ZNF503: variants seen among roughly 807,000 people sequenced by gnomAD.
ZNF503 encodes the protein zinc finger protein 503.
ZNF503 carries 15 observed loss-of-function variants against 34.4 expected under a neutral mutation model. That is an observed-to-expected ratio of 0.44 (90% CI 0.29 to 0.67). The LOEUF (loss-of-function observed/expected upper bound fraction) is 0.67, where lower values mean the gene tolerates loss of function less well. Among genes scored for constraint, ZNF503 ranks in the 30% least tolerant of loss-of-function variants. ZNF503 has a pLI of 0.13. For missense variants in ZNF503, 1,007 were observed against 926.8 expected (o/e 1.09, Z -1.12); for synonymous variants, 580 against 456.8 (o/e 1.27, Z -3.44).
At position 75,399,493 on chromosome 10, in the gene ZNF503, G is replaced by A. The variant is rs778676896; in HGVS notation, c.1197C>T (p.Ala399=). The A allele has an allele frequency of 6.4e-7, 1 of 1,567,702 alleles. No homozygotes were observed. The highest frequency in any genetic ancestry group is 1.1e-5 in the South Asian group (1 of 88,112). Residue 399 remains alanine, a synonymous_variant, in exon 2 of 2, where the codon GCC becomes GCT. Transcript: ENST00000372524. Reference sequence around the variant, plus strand: ...CCGGCTTACTGCAGCCCAGAGACCCGGCCGCGGCCGCCGCCAGCTGCGCCC... The same window carrying A: ...CCGGCTTACTGCAGCCCAGAGACCCAGCCGCGGCCGCCGCCAGCTGCGCCC... ...LVGAQLAAAA[A]GSLGCSKPAG... is the part of the protein sequence containing the mutation.
At chr10:75,368,848 C>T in the ZNF503 span, among the ~76,000 whole-genome samples, 1 of 152,216 alleles carries the variant, frequency 6.6e-6, no homozygotes, top group Non-Finnish European at 1.5e-5. Flanking sequence ...CCAACCTGAC[C>T]TCCAAATTAT....
At position 75,398,931 on chromosome 10, in the gene ZNF503, G is replaced by C; in HGVS notation, c.1759C>G (p.Leu587Val). 6.3e-7 allele frequency: 1 copy of C among 1,588,934 alleles called. No homozygotes were observed. Among genetic ancestry groups the C allele is most frequent in the South Asian group, 1.1e-5 (1 of 88,590 alleles). Reference protein sequence around the residue: ...TSGAPGSPGTLALRSPHHALG... With the variant: ...TSGAPGSPGTVALRSPHHALG... The stretch of plus-strand genomic sequence containing the variant: ...GCGTGGTGGGGGCTGCGCAGCGCCA[G>C]CGTCCCAGGGCTGCCCGGTGCGCCC... Residue 587 changes from leucine to valine, a missense_variant, in exon 2 of 2, where the codon CTG becomes GTG. Physicochemically the swap from Leu to Val is conservative, Grantham distance 32 (BLOSUM62 1). Transcript: ENST00000372524.
chr10:75,293,791 T>C, the ZNF503 span, among the ~76,000 whole-genome samples: 1 of 151,672 alleles, frequency 6.6e-6, no homozygotes, highest in African/African-American at 2.4e-5. Context: ...GAGGGAAAAA[T>C]AACCCTTTGC....
chr10:75,401,848 GT>G, upstream of ZNF503: 1 of 203,748 alleles, frequency 4.9e-6, no homozygotes, highest in South Asian at 8.0e-5. Context: ...GGAGCCCGAG[GT>G]GATTGGAGGG....
At chr10:75,317,028 A>G in the ZNF503 span, among the ~76,000 whole-genome samples, 1 of 152,108 alleles carries the variant, frequency 6.6e-6, no homozygotes, top group African/African-American at 2.4e-5. Flanking sequence ...TGCAGCCTCA[A>G]ACTCCAGGGT....
chr10:75,294,443 TTCC>T, the ZNF503 span, among the ~76,000 whole-genome samples: 1 of 152,210 alleles, frequency 6.6e-6, no homozygotes, highest in Non-Finnish European at 1.5e-5. Context: ...TCGATCCTAG[TTCC>T]ACATGAGGTT....
At chr10:75,367,107 T>C in the ZNF503 span, among the ~76,000 whole-genome samples, 1 of 152,184 alleles carries the variant, frequency 6.6e-6, no homozygotes, top group East Asian at 1.9e-4. Flanking sequence ...CGTGTGAAGG[T>C]CATGATAAGT....
chr10:75,389,124 G>A, the ZNF503 span, among the ~76,000 whole-genome samples: 1 of 152,220 alleles, frequency 6.6e-6, no homozygotes, highest in Non-Finnish European at 1.5e-5. Context: ...GAGGAGAGGA[G>A]ATGTTTGTAA....
chr10:75,338,952 G>A, the ZNF503 span, among the ~76,000 whole-genome samples: 1 of 152,156 alleles, frequency 6.6e-6, no homozygotes, highest in Admixed American at 6.5e-5. Context: ...TGAAGGCCGG[G>A]CACGGTGGCT....
chr10:75,363,339 A>G, the ZNF503 span, among the ~76,000 whole-genome samples: 1 of 151,648 alleles, frequency 6.6e-6, no homozygotes, highest in South Asian at 2.1e-4. Context: ...GCCTTGGAGA[A>G]TGTCCTCTTG....
downstream of ZNF503, among the ~76,000 whole-genome samples, chr10:75,396,012 C>T (rs1369589640): frequency 6.6e-6 from 1 of 152,250 alleles, no homozygotes; most frequent in African/African-American, 2.4e-5. This position sits in a 1 kb window ranked among gnomAD's most constrained non-coding sequence, Gnocchi z 4.4. Flanking sequence ...GCCTGTGGGT[C>T]GCAGTGGCCA....
the ZNF503 span, among the ~76,000 whole-genome samples, chr10:75,392,116 T>C: frequency 1.3e-5 from 2 of 152,240 alleles, no homozygotes; most frequent in Non-Finnish European, 2.9e-5. Context: ...AGTGTTACTT[T>C]ATTCGGCTTC....
the ZNF503 span, among the ~76,000 whole-genome samples, chr10:75,378,385 C>G: frequency 1.3e-5 from 2 of 152,174 alleles, no homozygotes; most frequent in Non-Finnish European, 2.9e-5. Context: ...CCCCACCAAG[C>G]ACCACAGCCC....
In ZNF503 at chr10:75,399,377, G is replaced by A. The variant is rs1843749160; in HGVS notation, c.1313C>T (p.Ala438Val). The change falls in exon 2 of 2, where the codon GCT (alanine) becomes GTT (valine). Residue 438 changes from alanine to valine, a missense_variant. Coordinates refer to ENST00000372524, the MANE Select transcript of ZNF503 (RefSeq NM_032772.6). ...GGCCGCCGCCCCTGCCAGGTGGCTA[G>A]CGCAGTGGTAGCTGAGGCAGTAAGG... Reference protein sequence around the residue: ...RDPYCLSYHCASHLAGAAAAS... With the variant: ...RDPYCLSYHCVSHLAGAAAAS... 6.2e-7 allele frequency: 1 copy of A among 1,606,578 alleles called. No homozygotes were observed. Among genetic ancestry groups the A allele is most frequent in the Admixed American group, 1.7e-5 (1 of 59,800 alleles).
the ZNF503 span, among the ~76,000 whole-genome samples, chr10:75,362,439 C>T: frequency 1.3e-5 from 2 of 152,088 alleles, no homozygotes; most frequent in Admixed American, 1.3e-4. Context: ...CCGTGACTGC[C>T]ACCCTTGCTC....
At chr10:75,290,725 A>C in the ZNF503 span, among the ~76,000 whole-genome samples, 1 of 152,222 alleles carries the variant, frequency 6.6e-6, no homozygotes, top group Non-Finnish European at 1.5e-5. Flanking sequence ...TAGGAAGATG[A>C]GAGGAGTTGT....
chr10:75,286,285 GA>G, the ZNF503 span, among the ~76,000 whole-genome samples: 63,202 of 139,872 alleles, frequency 0.45, 14,018 homozygotes, highest in South Asian at 0.57. Context: ...ACTGTCTCAG[GA>G]AAAAAAAAAA....
At chr10:75,357,426 G>A in the ZNF503 span, among the ~76,000 whole-genome samples, 2 of 152,098 alleles carry the variant, frequency 1.3e-5, no homozygotes, top group African/African-American at 2.4e-5. Context: ...GTTGAAGTGG[G>A]AGGATTGCTT....
At chr10:75,370,383 C>G in the ZNF503 span, among the ~76,000 whole-genome samples, 1 of 152,190 alleles carries the variant, frequency 6.6e-6, no homozygotes, top group Non-Finnish European at 1.5e-5. Flanking sequence ...TTCTGGCACA[C>G]AAATCAATGA....
Sources: allele counts gnomAD v4.1 joint callset (sites outside exome capture counted in the v4.1 genomes callset), GRCh38; gene constraint gnomAD v4.1.1; non-coding constraint Gnocchi (gnomAD v3.1); transcripts MANE v1.5; gene names NCBI Gene and HGNC (gene_info 2026-07-23, HGNC 2026-07-21).